Variants in SLC13A5 observed in about 807,000 individuals in gnomAD.
The protein encoded by SLC13A5 is solute carrier family 13 member 5.
In SLC13A5, 25 loss-of-function variants were observed where a neutral mutation model predicts 56.5. That is an observed-to-expected ratio of 0.44 (90% CI 0.32 to 0.62). SLC13A5 has a LOEUF of 0.62. Among genes scored for constraint, SLC13A5 ranks in the 20% least tolerant of loss-of-function variants. The probability of loss-of-function intolerance (pLI) is 0.04; values close to 1 mark genes in which losing one functional copy is unlikely to be tolerated. For missense variants in SLC13A5, 649 were observed against 737.8 expected (o/e 0.88, Z 1.39); for synonymous variants, 307 against 301.5 (o/e 1.02, Z -0.19).
chr17:6,713,082 C>A lies in SLC13A5; in HGVS notation c.102+150G>T. 1 of 727,170 alleles carries A rather than the reference C, an allele frequency of 1.4e-6. No homozygotes were observed. Among genetic ancestry groups the A allele is most frequent in the Non-Finnish European group, 2.3e-6 (1 of 438,170 alleles). The allele number at this position is 727,170 out of a possible 1,614,324, so 45.0% of individuals were successfully genotyped here. ...GATTCTTTACAGGGCACCTCCCATCCGGCACCTGGAGCTCCTGAGTGCGCG... is the reference window on the plus strand; with the variant it reads ...GATTCTTTACAGGGCACCTCCCATCAGGCACCTGGAGCTCCTGAGTGCGCG... On this transcript the variant is annotated intron_variant, in intron 1 of 11. Coordinates refer to ENST00000433363, the MANE Select transcript of SLC13A5 (RefSeq NM_177550.5). The surrounding 1 kb of genome is among the most constrained non-coding windows in gnomAD (Gnocchi z 7.3).
At position 6,687,596 on chromosome 17, in the gene SLC13A5, A is replaced by G. The variant is rs765088400; in HGVS notation, c.1508T>C (p.Met503Thr). 1.5e-5 allele frequency: 24 copies of G among 1,613,900 alleles called. No homozygotes were observed. The highest frequency in any genetic ancestry group is 1.9e-5 in the Non-Finnish European group (23 of 1,179,982). The change falls in exon 11 of 12, where the codon ATG becomes ACG. Residue 503 changes from methionine to threonine, a missense_variant. Met to Thr is a moderately conservative substitution (Grantham distance 81). Transcript: ENST00000433363. This position sits in a 1 kb window ranked among gnomAD's most constrained non-coding sequence, Gnocchi z 5.0. ...ATTTGGAGGGGTGGCCACAGGCAAC[A>G]TGAAGGCAAAGGAGGCACTCAGGGT... ...PCTLSASFAFMLPVATPPNAI... is the reference protein window; with the variant it reads ...PCTLSASFAFTLPVATPPNAI...
rs747512474 is a variant in SLC13A5 at position 6,686,240 on chromosome 17, A to G, written c.1674T>C (p.Pro558=). The G allele has an allele frequency of 6.2e-7, 1 of 1,614,186 alleles. No homozygotes were observed. The highest frequency in any genetic ancestry group is 8.5e-7 in the Non-Finnish European group (1 of 1,180,026). ...GRAIFDLDHF[P]DWANVTHIET ...CAATATGTGTCACATTAGCCCAGTC[A>G]GGGAAATGATCCAAGTCAAATATGG... is the stretch of plus-strand genomic sequence containing the variant. The change falls in exon 12 of 12, where the codon CCT becomes CCC. Residue 558 remains proline (P), a synonymous_variant. Coordinates refer to ENST00000433363, the MANE Select transcript of SLC13A5 (RefSeq NM_177550.5).
At position 6,692,520 on chromosome 17, in the gene SLC13A5, C is replaced by G. The variant is rs538293247; in HGVS notation, c.1275+524G>C. Among the ~76,000 whole-genome samples, 1 of 152,302 alleles carries G rather than the reference C, an allele frequency of 6.6e-6. No individual in the cohort carries two copies. Among genetic ancestry groups the G allele is most frequent in the East Asian group, 1.9e-4 (1 of 5,184 alleles). On this transcript the variant is annotated intron_variant, in intron 9 of 11. Transcript: ENST00000433363. The surrounding 1 kb of genome is among the most constrained non-coding windows in gnomAD (Gnocchi z 5.5). ...AGCAGCAGCAAGCTAGCTCATCCCTCCCTCTGGCTCATTTCTTCCCCAGGA... is the reference window on the plus strand; with the variant it reads ...AGCAGCAGCAAGCTAGCTCATCCCTGCCTCTGGCTCATTTCTTCCCCAGGA...
At position 6,692,707 on chromosome 17, in the gene SLC13A5, G is replaced by A. The variant is rs776012767; in HGVS notation, c.1275+337C>T. 6.6e-6 allele frequency among the ~76,000 whole-genome samples: 1 copy of A among 152,234 alleles called. No individual in the cohort carries two copies. Among genetic ancestry groups the A allele is most frequent in the Non-Finnish European group, 1.5e-5 (1 of 68,042 alleles). On this transcript the variant is annotated intron_variant, in intron 9 of 11. Transcript: ENST00000433363. The surrounding 1 kb of genome is among the most constrained non-coding windows in gnomAD (Gnocchi z 5.5). ...AGTAGTAGCAAACAATATTGACAAGGATTGGAAAGAAAGATTTCCCTCAGA... is the reference window on the plus strand; with the variant it reads ...AGTAGTAGCAAACAATATTGACAAGAATTGGAAAGAAAGATTTCCCTCAGA...
intron 1 of SLC13A5, among the ~76,000 whole-genome samples, chr17:6,712,665 A>G (rs1450182602): frequency 6.6e-6 from 1 of 152,248 alleles, no homozygotes; most frequent in Non-Finnish European, 1.5e-5. Context: ...AATGTGGATC[A>G]TAGATAGAGA....
In SLC13A5 at chr17:6,701,190, G is replaced by C; in HGVS notation, c.717-64C>G. 6.3e-7 allele frequency: 1 copy of C among 1,599,408 alleles called. No homozygotes were observed. ...TGTGGGAGCCAGCCTGGCCCTGTGC[G>C]TGGGGACGGAGCAGCAGCTGGGCCC... On this transcript the variant is annotated intron_variant, in intron 5 of 11. Transcript: ENST00000433363. The surrounding 1 kb of genome is among the most constrained non-coding windows in gnomAD (Gnocchi z 4.1).
intron 9 of SLC13A5, among the ~76,000 whole-genome samples, chr17:6,691,257 T>C (rs1441444067): frequency 6.6e-6 from 1 of 152,214 alleles, no homozygotes; most frequent in Non-Finnish European, 1.5e-5. Context: ...TCTGCTTCTC[T>C]CTCTGGGCCT....
intron 1 of SLC13A5, among the ~76,000 whole-genome samples, chr17:6,712,340 C>A (rs980457016): frequency 6.6e-6 from 1 of 152,236 alleles, no homozygotes; most frequent in East Asian, 1.9e-4. Context: ...GAGGAAGGAG[C>A]AGCCAGCAGC....
Position 6,693,176 on chromosome 17 carries a change from G to T in SLC13A5, c.1157-14C>A. ...GAGTTTTCCTTTCTGGGAAGAAAAA[G>T]AAACACACACACACACACACACACA... On this transcript the variant is annotated splice_polypyrimidine_tract_variant and intron_variant, in intron 8 of 11. Coordinates refer to ENST00000433363, the MANE Select transcript of SLC13A5 (RefSeq NM_177550.5). The T allele has an allele frequency of 4.2e-6, 3 of 707,604 alleles. No individual in the cohort carries two copies. Among genetic ancestry groups the T allele is most frequent in the Non-Finnish European group, 4.1e-6 (2 of 489,130 alleles). 43.8% of individuals were successfully genotyped at this position (707,604 alleles called of 1,614,324 possible).
intron 9 of SLC13A5, 32 bp from the exon 10 acceptor site, chr17:6,690,972 C>G (rs116929585): frequency 6.4e-7 from 1 of 1,572,456 alleles, no homozygotes. Context: ...GTCATCTCAG[C>G]GCTCCCAGCT....
At position 6,690,949 on chromosome 17, in the gene SLC13A5, C is replaced by T; in HGVS notation, c.1276-9G>A. The T allele has an allele frequency of 6.3e-7, 1 of 1,595,242 alleles. No individual in the cohort carries two copies. The highest frequency in any genetic ancestry group is 8.6e-7 in the Non-Finnish European group (1 of 1,168,782). On this transcript the variant is annotated splice_polypyrimidine_tract_variant and intron_variant, in intron 9 of 11. Transcript: ENST00000433363. ...ACGGACAGCCCCGAGGCCTGGGAAG[C>T]ACCAGGAGGGCAGTCATCTCAGCGC...
In SLC13A5 at chr17:6,686,196, T is replaced by G. The variant is rs750472511; in HGVS notation, c.*11A>C. On this transcript the variant is annotated 3_prime_UTR_variant, in exon 12 of 12. Transcript: ENST00000433363. ...AGGGTAAGGGCTGTGTGTGTGGTCT[T>G]GTGGCTCTTCCTAAGTCTCAATATG... 6.2e-7 allele frequency: 1 copy of G among 1,614,084 alleles called. No individual in the cohort carries two copies. The highest frequency in any genetic ancestry group is 8.5e-7 in the Non-Finnish European group (1 of 1,179,978).
intron 1 of SLC13A5, among the ~76,000 whole-genome samples, chr17:6,707,788 C>T (rs1420006352): frequency 1.3e-5 from 2 of 150,490 alleles, no homozygotes; most frequent in East Asian, 3.9e-4. Flanking sequence ...CGAATGGATA[C>T]TGGAGACTTA....
At position 6,687,820 on chromosome 17, in the gene SLC13A5, A is replaced by T; in HGVS notation, c.1438-154T>A. ...CCTTTTGCCACGTCTCTGGCAGATA[A>T]TTCCACCTACGGAACACTGAAGGCT... is the stretch of plus-strand genomic sequence containing the variant. On this transcript the variant is annotated intron_variant, in intron 10 of 11. Transcript: ENST00000433363. The surrounding 1 kb of genome is among the most constrained non-coding windows in gnomAD (Gnocchi z 5.0). The T allele has an allele frequency of 1.1e-6, 1 of 947,536 alleles. No individual in the cohort carries two copies. Among genetic ancestry groups the T allele is most frequent in the Non-Finnish European group, 1.5e-6 (1 of 678,786 alleles). The allele number at this position is 947,536 out of a possible 1,614,324, so 58.7% of individuals were successfully genotyped here.
chr17:6,713,124 TGCTCCCC>T lies in SLC13A5; in HGVS notation c.102+101_102+107del, dbSNP rs1479759369. On this transcript the variant is annotated intron_variant, in intron 1 of 11. Transcript: ENST00000433363. This position sits in a 1 kb window ranked among gnomAD's most constrained non-coding sequence, Gnocchi z 7.3. ...GAGTGCGCGCGCCCCGGGAGAGCTG[TGCTCCCC>T]GCGAAATCCGTGCGCTCCAGCTCAG... 2 of 1,121,540 alleles carry T rather than the reference TGCTCCCC, an allele frequency of 1.8e-6. No individual in the cohort carries two copies. Among genetic ancestry groups the T allele is most frequent in the African/African-American group, 1.5e-5 (1 of 64,732 alleles). The allele number at this position is 1,121,540 out of a possible 1,614,324, so 69.5% of individuals were successfully genotyped here.
In SLC13A5 at chr17:6,692,924, G is replaced by C; in HGVS notation, c.1275+120C>G. On this transcript the variant is annotated intron_variant, in intron 9 of 11. Coordinates refer to ENST00000433363, the MANE Select transcript of SLC13A5 (RefSeq NM_177550.5). This position sits in a 1 kb window ranked among gnomAD's most constrained non-coding sequence, Gnocchi z 5.5. ...GACAGAGTCCATGTCCTCAAGGAAT[G>C]TGCGGTTATACGAAGGATGCAGGCA... 1.3e-6 allele frequency: 1 copy of C among 766,598 alleles called. No homozygotes were observed. Among genetic ancestry groups the C allele is most frequent in the Non-Finnish European group, 2.3e-6 (1 of 428,376 alleles). 47.5% of individuals were successfully genotyped at this position (766,598 alleles called of 1,614,324 possible).
intron 6 of SLC13A5, among the ~76,000 whole-genome samples, chr17:6,698,433 T>C (rs180956620): frequency 4.6e-5 from 7 of 152,342 alleles, no homozygotes; most frequent in Admixed American, 2.6e-4. Context: ...CTCGGCGCCA[T>C]GCTATCTCCC....
At chr17:6,710,762 C>CTGTGTGTGTGTGTG (rs111949694) in intron 1 of SLC13A5, among the ~76,000 whole-genome samples, 3 of 148,350 alleles carry the variant, frequency 2.0e-5, no homozygotes, top group African/African-American at 7.4e-5. Flanking sequence ...GCAAAACCTA[C>CTGTGTGTGTGTGTG]TGTGTGTGTG....
At chr17:6,703,275 G>T (rs1443621398) in intron 4 of SLC13A5, 137 bp from the exon 5 acceptor site, 4 of 1,106,534 alleles carry the variant, frequency 3.6e-6, no homozygotes, top group African/African-American at 1.6e-5. Flanking sequence ...GGCTCCATAA[G>T]AGTTGCTGGC....
Sources: gnomAD v4.1 joint callset for allele counts (sites outside exome capture counted in the v4.1 genomes callset) on GRCh38, gnomAD v4.1.1 for gene constraint, Gnocchi (gnomAD v3.1) non-coding constraint, MANE v1.5 for transcripts, NCBI Gene and HGNC (gene_info 2026-07-23, HGNC 2026-07-21) for gene names.